Variants in TSPAN14 observed in about 807,000 individuals in gnomAD.
TSPAN14 encodes tetraspanin 14, also known as tetraspanin-14.
In TSPAN14, 16 loss-of-function variants were observed where a neutral mutation model predicts 36.6. That is an observed-to-expected ratio of 0.44 (90% CI 0.30 to 0.66). TSPAN14 has a LOEUF of 0.66. TSPAN14 is among the 30% of genes least tolerant of loss of function. The pLI is 0.12. For synonymous variants in TSPAN14, 139 were observed against 143.8 expected (o/e 0.97, Z 0.24); for missense variants, 231 against 355.1 (o/e 0.65, Z 2.81).
chr10:80,486,732 G>C (rs1465160252), intron 1 of TSPAN14, among the ~76,000 whole-genome samples: 2 of 152,152 alleles, frequency 1.3e-5, no homozygotes, highest in African/African-American at 4.8e-5. Flanking sequence ...CATAAAAAAA[G>C]AATAGAGTTT....
chr10:80,478,746 C>A (rs1847068357), intron 1 of TSPAN14, among the ~76,000 whole-genome samples: 1 of 152,158 alleles, frequency 6.6e-6, no homozygotes, highest in South Asian at 2.1e-4. Flanking sequence ...CAAACTCATT[C>A]AAGAGTGAAG....
intron 1 of TSPAN14, among the ~76,000 whole-genome samples, chr10:80,470,724 A>G (rs539035117): frequency 2.6e-5 from 4 of 152,230 alleles, no homozygotes; most frequent in Non-Finnish European, 5.9e-5. Context: ...TTTCTCCCCA[A>G]GAATGGGCCA....
At chr10:80,512,112 G>C (rs781112351) in intron 5 of TSPAN14, 32 bp from the exon 6 acceptor site, 5 of 1,613,836 alleles carry the variant, frequency 3.1e-6, no homozygotes, top group East Asian at 2.2e-5. Context: ...CTGTCTTGGA[G>C]CCCCTAACAG....
At chr10:80,517,403 CCT>C (rs1379327678) in intron 8 of TSPAN14, among the ~76,000 whole-genome samples, 1 of 152,244 alleles carries the variant, frequency 6.6e-6, no homozygotes, top group African/African-American at 2.4e-5. Flanking sequence ...ACATCAGTCT[CCT>C]CTCATGATTT....
intron 2 of TSPAN14, among the ~76,000 whole-genome samples, chr10:80,499,903 A>G (rs1010587507): frequency 2.4e-5 from 3 of 124,880 alleles, no homozygotes; most frequent in African/African-American, 8.2e-5. Context: ...CAATTAGGTC[A>G]TGGGAGGGAG....
At chr10:80,520,647 G>A (rs530381653) in exon 9 of TSPAN14, 47 of 533,092 alleles carry the variant, frequency 8.8e-5, no homozygotes, top group African/African-American at 6.7e-4. Flanking sequence ...TCTTCCTATC[G>A]CTGGCCTTCC....
chr10:80,474,073 C>G (rs1336778533), intron 1 of TSPAN14, among the ~76,000 whole-genome samples: 1 of 152,068 alleles, frequency 6.6e-6, no homozygotes, highest in Non-Finnish European at 1.5e-5. Context: ...CTCTAGAGAC[C>G]CCCTTCTCAG....
At chr10:80,460,483 A>G (rs150690215) in intron 1 of TSPAN14, among the ~76,000 whole-genome samples, 1 of 152,194 alleles carries the variant, frequency 6.6e-6, no homozygotes, top group Admixed American at 6.5e-5. Flanking sequence ...GGTGAGGGAC[A>G]GAATCTCTGT....
chr10:80,497,885 TC>T lies in TSPAN14; in HGVS notation c.82-6841del, dbSNP rs775203204. Reference sequence around the variant, plus strand: ...TGTTGCCTTTTCTCAGAACCACCCTTCCGGCAGGAGGAAAAGCTGGGGTGTG... The same window carrying T: ...TGTTGCCTTTTCTCAGAACCACCCTTCGGCAGGAGGAAAAGCTGGGGTGTG... On this transcript the variant is annotated intron_variant, in intron 2 of 8. Transcript: ENST00000429989. 6.6e-5 allele frequency among the ~76,000 whole-genome samples: 10 copies of T among 152,308 alleles called. No individual in the cohort carries two copies. In the South Asian group the frequency reaches 2.1e-3, roughly 32 times the overall value.
Position 80,485,045 on chromosome 10 carries a change from C to T in TSPAN14, c.-17-4172C>T, listed in dbSNP as rs12251329. ...TCCTGCCACACTGATGCTTTATTTT[C>T]TATCACATTCTTAGAGTTGAGACAG... On this transcript the variant is annotated intron_variant, in intron 1 of 8. Coordinates refer to ENST00000429989, the Ensembl canonical transcript of TSPAN14. Among the ~76,000 whole-genome samples the T allele has an allele frequency of 5.7e-4, 87 of 152,318 alleles. 1 individual carries two copies. Among genetic ancestry groups the T allele is most frequent in the African/African-American group, 1.9e-3 (79 of 41,560 alleles).
At chr10:80,510,601 G>A (rs534249908) in intron 5 of TSPAN14, among the ~76,000 whole-genome samples, 5 of 152,300 alleles carry the variant, frequency 3.3e-5, no homozygotes, top group Non-Finnish European at 7.3e-5. Context: ...CTGGCCGGGC[G>A]CGGTGACTCA....
chr10:80,507,491 CCCCT>C, intron 4 of TSPAN14, 117 bp downstream of exon 4: 2 of 1,428,382 alleles, frequency 1.4e-6, no homozygotes, highest in Non-Finnish European at 1.9e-6. Flanking sequence ...CTCCCCTAGG[CCCCT>C]GCCTGGGAGC....
chr10:80,518,362 G>A (rs1309984867), exon 9 of TSPAN14: 1 of 248,812 alleles, frequency 4.0e-6, no homozygotes, highest in East Asian at 9.5e-5. Flanking sequence ...TCTGCTTTGG[G>A]TCATCCACAT....
intron 2 of TSPAN14, among the ~76,000 whole-genome samples, chr10:80,495,987 C>G (rs1006928020): frequency 2.0e-5 from 3 of 151,980 alleles, no homozygotes; most frequent in African/African-American, 7.3e-5. Context: ...AAATTAAACT[C>G]TTTGGTATCT....
At chr10:80,455,969 C>T (rs1845718599) in intron 1 of TSPAN14, among the ~76,000 whole-genome samples, 1 of 152,182 alleles carries the variant, frequency 6.6e-6, no homozygotes, top group African/African-American at 2.4e-5. Context: ...CATTGTGTTG[C>T]ACCCCAACTT....
At chr10:80,517,440 A>C (rs1840996093) in intron 8 of TSPAN14, among the ~76,000 whole-genome samples, 1 of 152,204 alleles carries the variant, frequency 6.6e-6, no homozygotes, top group African/African-American at 2.4e-5. Flanking sequence ...GTTGGGATGG[A>C]TCTTCAGACA....
At chr10:80,474,837 C>T (rs975717701) in intron 1 of TSPAN14, among the ~76,000 whole-genome samples, 10 of 152,238 alleles carry the variant, frequency 6.6e-5, no homozygotes, top group Admixed American at 2.6e-4. Flanking sequence ...TGGGTTTTCT[C>T]TCCCCTCTTC....
intron 7 of TSPAN14, among the ~76,000 whole-genome samples, chr10:80,515,067 A>G (rs922259916): frequency 1.3e-5 from 2 of 152,206 alleles, no homozygotes; most frequent in Admixed American, 6.5e-5. Context: ...CACCTAATCT[A>G]TAGTATTTTA....
intron 1 of TSPAN14, among the ~76,000 whole-genome samples, chr10:80,465,965 G>A (rs1389053766): frequency 6.6e-6 from 1 of 152,088 alleles, no homozygotes; most frequent in Admixed American, 6.6e-5. Flanking sequence ...TTGCAGGCGG[G>A]GTGAAGGCCA....
Sources: allele counts gnomAD v4.1 joint callset (sites outside exome capture counted in the v4.1 genomes callset), GRCh38; gene constraint gnomAD v4.1.1; transcripts MANE v1.5; gene names NCBI Gene and HGNC (gene_info 2026-07-23, HGNC 2026-07-21).